Variants in SCUBE3 observed in about 807,000 individuals in gnomAD.
The protein encoded by SCUBE3 is signal peptide, CUB and EGF-like domain-containing protein 3.
SCUBE3 carries 33 observed loss-of-function variants against 116.8 expected under a neutral mutation model. The ratio of observed to expected loss-of-function variants is 0.28; its 90% confidence interval spans 0.21 to 0.38. The LOEUF (loss-of-function observed/expected upper bound fraction) is 0.38. SCUBE3 is among the 10% of genes least tolerant of loss of function. SCUBE3 has a pLI of 1.00. For synonymous variants in SCUBE3, 418 were observed against 496.9 expected (o/e 0.84, Z 2.11); for missense variants, 1,007 against 1,324.8 (o/e 0.76, Z 3.72).
Position 35,243,344 on chromosome 6 carries a change from C to T in SCUBE3, c.1909+108C>T. The stretch of plus-strand genomic sequence containing the variant: ...ATGCATTTCTCAAATTATGAGGCAG[C>T]CAGGATGCTCCTGCCCGCTGTCCTC... On this transcript the variant is annotated intron_variant, in intron 15 of 21. Coordinates refer to ENST00000274938, the MANE Select transcript of SCUBE3 (RefSeq NM_152753.4). This position sits in a 1 kb window ranked among gnomAD's most constrained non-coding sequence, Gnocchi z 6.6. 1 of 996,070 alleles carries T rather than the reference C, an allele frequency of 1.0e-6. No homozygotes were observed. The highest frequency in any genetic ancestry group is 1.5e-6 in the Non-Finnish European group (1 of 662,202). The allele number at this position is 996,070 out of a possible 1,614,324, so 61.7% of individuals were successfully genotyped here.
chr6:35,214,507 AGGAAG>A lies in SCUBE3; in HGVS notation c.85+6_85+10del, dbSNP rs748456825. On this transcript the variant is annotated splice_donor_5th_base_variant and intron_variant, in intron 1 of 21. Transcript: ENST00000274938. The surrounding 1 kb of genome is among the most constrained non-coding windows in gnomAD (Gnocchi z 6.3). ...CAGTACAGCAAAGCCGCGCAAGGTA[AGGAAG>A]GAGGGGCGCGCGGCCTGGGGGCTGT... 37 of 1,481,942 alleles carry A rather than the reference AGGAAG, an allele frequency of 2.5e-5. No individual in the cohort carries two copies. In the South Asian group the frequency reaches 4.3e-4, roughly 17 times the overall value. The allele number at this position is 1,481,942 out of a possible 1,614,324, so 91.8% of individuals were successfully genotyped here.
Position 35,244,918 on chromosome 6 carries a change from G to A in SCUBE3, c.2401+107G>A, listed in dbSNP as rs1459932074. Reference sequence around the variant, plus strand: ...CAGGGAGCAGGGCTGGGGGGTGGAGGAGCAGGAAAACTCCACCTTCCACCT... The same window carrying A: ...CAGGGAGCAGGGCTGGGGGGTGGAGAAGCAGGAAAACTCCACCTTCCACCT... On this transcript the variant is annotated intron_variant, in intron 18 of 21. Coordinates refer to ENST00000274938, the MANE Select transcript of SCUBE3 (RefSeq NM_152753.4). The surrounding 1 kb of genome is among the most constrained non-coding windows in gnomAD (Gnocchi z 4.3). 2 of 1,161,228 alleles carry A rather than the reference G, an allele frequency of 1.7e-6. No homozygotes were observed. The highest frequency in any genetic ancestry group is 2.5e-6 in the Non-Finnish European group (2 of 801,588). 71.9% of individuals were successfully genotyped at this position (1,161,228 alleles called of 1,614,324 possible).
Position 35,228,879 on chromosome 6 carries a change from T to C in SCUBE3, c.334+140T>C, listed in dbSNP as rs972934516. ...CAAGAGAATAAGGTCAGCCTCCCCT[T>C]TGAGACTGGCCACTTAGGATGAAAA... On this transcript the variant is annotated intron_variant, in intron 3 of 21. Transcript: ENST00000274938. This position sits in a 1 kb window ranked among gnomAD's most constrained non-coding sequence, Gnocchi z 4.9. The C allele has an allele frequency of 9.3e-6, 8 of 864,544 alleles. No individual in the cohort carries two copies. The highest frequency in any genetic ancestry group is 3.3e-5 in the African/African-American group (2 of 59,748). 53.6% of individuals were successfully genotyped at this position (864,544 alleles called of 1,614,324 possible). A position where few individuals can be genotyped will look rare whatever the true frequency, so the allele number is the denominator to read the frequency against.
In SCUBE3 at chr6:35,241,385, T is replaced by C. The variant is rs1272722255; in HGVS notation, c.1195+119T>C. 7.9e-7 allele frequency: 1 copy of C among 1,273,250 alleles called. No homozygotes were observed. Among genetic ancestry groups the C allele is most frequent in the Non-Finnish European group, 1.1e-6 (1 of 893,944 alleles). The allele number at this position is 1,273,250 out of a possible 1,614,324, so 78.9% of individuals were successfully genotyped here. On this transcript the variant is annotated intron_variant, in intron 10 of 21. Coordinates refer to ENST00000274938, the MANE Select transcript of SCUBE3 (RefSeq NM_152753.4). The surrounding 1 kb of genome is among the most constrained non-coding windows in gnomAD (Gnocchi z 4.1). ...TGTGAGGTGGAAAGGGTGGAGAATG[T>C]AGCCATTTTGAGTTAAAGACATGAA...
Position 35,241,919 on chromosome 6 carries a change from C to T in SCUBE3, c.1417+9C>T, listed in dbSNP as rs376860189. On this transcript the variant is annotated intron_variant, in intron 12 of 21. Coordinates refer to ENST00000274938, the MANE Select transcript of SCUBE3 (RefSeq NM_152753.4). The surrounding 1 kb of genome is among the most constrained non-coding windows in gnomAD (Gnocchi z 4.1). ...CTCCAACCACTGCCATGGTAAGCAC[C>T]AGCCCAGAAGCCCTGTTCCCACCCT... The T allele has an allele frequency of 1.4e-4, 215 of 1,582,094 alleles. 1 individual carries two copies. The African/African-American group carries it at 2.8e-3, about 20-fold the overall frequency.
chr6:35,242,241 C>G lies in SCUBE3; in HGVS notation c.1455C>G (p.Phe485Leu), dbSNP rs1434800877. The change falls in exon 13 of 22, where the codon TTC (phenylalanine) becomes TTG (leucine). Residue 485 changes from phenylalanine to leucine, a missense_variant. By Grantham distance (22) the Phe-to-Leu change is conservative. Coordinates refer to ENST00000274938, the MANE Select transcript of SCUBE3 (RefSeq NM_152753.4). ...TGTCCATTAAACAACGGGCCTCCTTCAAGATCAAGGATGCCAAATGCCGTT... is the reference window on the plus strand; with the variant it reads ...TGTCCATTAAACAACGGGCCTCCTTGAAGATCAAGGATGCCAAATGCCGTT... ...AVLSIKQRAS[F>L]KIKDAKCRLH... The G allele has an allele frequency of 6.2e-7, 1 of 1,613,950 alleles. No homozygotes were observed. Among genetic ancestry groups the G allele is most frequent in the Non-Finnish European group, 8.5e-7 (1 of 1,179,814 alleles).
chr6:35,242,367 C>T (rs774097659), intron 13 of SCUBE3, 47 bp downstream of exon 13: 12 of 1,282,716 alleles, frequency 9.4e-6, no homozygotes, highest in African/African-American at 1.5e-5. Flanking sequence ...GCCACTAAAT[C>T]CTCCTTACCC....
chr6:35,246,175 C>T (rs757524567), intron 20 of SCUBE3, 31 bp from the exon 21 acceptor site: 2 of 1,612,524 alleles, frequency 1.2e-6, no homozygotes, highest in South Asian at 2.2e-5. Flanking sequence ...AGCTCCCGCC[C>T]CTGAGCCCCT....
Position 35,248,672 on chromosome 6 carries a change from C to T in SCUBE3, c.2949C>T (p.Ser983=). ...AATCCTTCATCAAGCTGCTCCGCTC[C>T]AAAGTTTCCAGCTTCCTGAGGCCCT... ...LPKSFIKLLR[S]KVSSFLRPYK is the part of the protein sequence containing the mutation. The change falls in exon 22 of 22, where the codon TCC becomes TCT. Residue 983 remains serine, a synonymous_variant. Transcript: ENST00000274938. 6.2e-7 allele frequency: 1 copy of T among 1,614,074 alleles called. No individual in the cohort carries two copies. The highest frequency in any genetic ancestry group is 8.5e-7 in the Non-Finnish European group (1 of 1,179,978).
At chr6:35,217,252 GC>G (rs1416334865) in intron 1 of SCUBE3, among the ~76,000 whole-genome samples, 1 of 11,646 alleles carries the variant, frequency 8.6e-5, no homozygotes, top group Admixed American at 7.5e-4. Context: ...GGGAGGCGCG[GC>G]GGGGGGGGGG....
chr6:35,231,589 GGT>G lies in SCUBE3; in HGVS notation c.335-132_335-131del. The G allele has an allele frequency of 1.6e-6, 1 of 628,694 alleles. No individual in the cohort carries two copies. The highest frequency in any genetic ancestry group is 2.5e-6 in the Non-Finnish European group (1 of 398,290). 38.9% of individuals were successfully genotyped at this position (628,694 alleles called of 1,614,324 possible). ...ACTTAGTGAAATATTAGCTGACAAG[GGT>G]GTGAGGACTTCCTGGCTTAAGGCTG... On this transcript the variant is annotated intron_variant, in intron 3 of 21. Coordinates refer to ENST00000274938, the MANE Select transcript of SCUBE3 (RefSeq NM_152753.4). The surrounding 1 kb of genome is among the most constrained non-coding windows in gnomAD (Gnocchi z 4.2).
At position 35,244,115 on chromosome 6, in the gene SCUBE3, G is replaced by C; in HGVS notation, c.2224G>C (p.Asp742His). ...TKHEGAISFQ[D>H]CDTKVQCSPG... ...GCATGAAGGGGCCATTTCCTTCCAA[G>C]ACTGTGACACCAAAGGTGAGTAAGC... The change falls in exon 17 of 22, where the codon GAC becomes CAC. Residue 742 changes from aspartate to histidine, a missense_variant. By Grantham distance (81) the Asp-to-His change is moderately conservative (BLOSUM62 -1). Coordinates refer to ENST00000274938, the MANE Select transcript of SCUBE3 (RefSeq NM_152753.4). The surrounding 1 kb of genome is among the most constrained non-coding windows in gnomAD (Gnocchi z 4.3). 1.9e-6 allele frequency: 3 copies of C among 1,613,738 alleles called. No individual in the cohort carries two copies. The highest frequency in any genetic ancestry group is 1.1e-5 in the South Asian group (1 of 91,008).
intron 3 of SCUBE3, among the ~76,000 whole-genome samples, chr6:35,229,611 C>T (rs1170324612): frequency 2.0e-5 from 3 of 152,170 alleles, no homozygotes; most frequent in Non-Finnish European, 4.4e-5. Flanking sequence ...TCTCCCAGTT[C>T]TTCCTGCAAT....
rs1422891999 is a variant in SCUBE3, at chr6:35,243,655, G to A, written c.1971G>A (p.Ala657=). ...CGGAGCAGTGTGTGCCATGCCCAGC[G>A]GGCACCTTCCAGGAGAGAGAAGGGC... The part of the protein sequence containing the change: ...GQTEQCVPCP[A]GTFQEREGQL... Residue 657 remains alanine, a synonymous_variant, in exon 16 of 22, where the codon GCG becomes GCA. Transcript: ENST00000274938. The surrounding 1 kb of genome is among the most constrained non-coding windows in gnomAD (Gnocchi z 6.6). The A allele has an allele frequency of 1.3e-5, 21 of 1,613,794 alleles. No individual in the cohort carries two copies. In the East Asian group the frequency reaches 1.3e-4, roughly 10 times the overall value.
Position 35,241,990 on chromosome 6 carries a change from G to A in SCUBE3, c.1417+80G>A. 9.3e-7 allele frequency: 1 copy of A among 1,074,422 alleles called. No homozygotes were observed. Among genetic ancestry groups the A allele is most frequent in the Non-Finnish European group, 1.4e-6 (1 of 698,358 alleles). The allele number at this position is 1,074,422 out of a possible 1,614,324, so 66.6% of individuals were successfully genotyped here. A position where few individuals can be genotyped will look rare whatever the true frequency, so the allele number is the denominator to read the frequency against. On this transcript the variant is annotated intron_variant, in intron 12 of 21. Transcript: ENST00000274938. This position sits in a 1 kb window ranked among gnomAD's most constrained non-coding sequence, Gnocchi z 4.1. ...TATTTTTGTTCTTCATCAATCCCCT[G>A]GCCTTCCTTTCTCCTGGATCCTCTT...
intron 1 of SCUBE3, among the ~76,000 whole-genome samples, chr6:35,226,479 C>CTTTTTTTTTTT (rs1562044702): frequency 1.3e-3 from 66 of 52,158 alleles, no homozygotes; most frequent in South Asian, 6.5e-3. Context: ...TTTTCTATGT[C>CTTTTTTTTTTT]CTTTTTTTTT....
In SCUBE3 at chr6:35,231,252, C is replaced by G. The variant is rs1783538638; in HGVS notation, c.335-473C>G. 1.3e-5 allele frequency among the ~76,000 whole-genome samples: 2 copies of G among 152,142 alleles called. No homozygotes were observed. Among genetic ancestry groups the G allele is most frequent in the African/African-American group, 4.8e-5 (2 of 41,420 alleles). On this transcript the variant is annotated intron_variant, in intron 3 of 21. Transcript: ENST00000274938. The surrounding 1 kb of genome is among the most constrained non-coding windows in gnomAD (Gnocchi z 4.2). The stretch of plus-strand genomic sequence containing the variant: ...CCTTTCCCCACCCTGCCCCTCCAAC[C>G]TCAGCACCATGGCCATAGCTCTGCC...
Position 35,242,311 on chromosome 6 carries a change from A to C in SCUBE3, c.1525A>C (p.Thr509Pro), listed in dbSNP as rs1222633433. Reference protein sequence around the residue: ...KGKTEEAGRITGPGGAPCSEC... With the variant: ...KGKTEEAGRIPGPGGAPCSEC... Reference sequence around the variant, plus strand: ...CAAAACAGAGGAGGCTGGCAGAATCACAGGGCCAGGTTTGGACTGGGGACC... The same window carrying C: ...CAAAACAGAGGAGGCTGGCAGAATCCCAGGGCCAGGTTTGGACTGGGGACC... Residue 509 changes from threonine (T) to proline (P), a missense_variant, in exon 13 of 22, where the codon ACA (threonine) becomes CCA (proline). Coordinates refer to ENST00000274938, the MANE Select transcript of SCUBE3 (RefSeq NM_152753.4). The C allele has an allele frequency of 2.5e-6, 4 of 1,611,362 alleles. No individual in the cohort carries two copies. Among genetic ancestry groups the C allele is most frequent in the Non-Finnish European group, 3.4e-6 (4 of 1,177,522 alleles).
chr6:35,248,660 G>A lies in SCUBE3; in HGVS notation c.2937G>A (p.Lys979=). The A allele has an allele frequency of 6.2e-7, 1 of 1,614,002 alleles. No homozygotes were observed. Among genetic ancestry groups the A allele is most frequent in the Non-Finnish European group, 8.5e-7 (1 of 1,179,990 alleles). The change falls in exon 22 of 22, where the codon AAG becomes AAA. Residue 979 remains lysine (K), a synonymous_variant. Coordinates refer to ENST00000274938, the MANE Select transcript of SCUBE3 (RefSeq NM_152753.4). ...AGATGCTGCCAAAATCCTTCATCAA[G>A]CTGCTCCGCTCCAAAGTTTCCAGCT... ...HKEMLPKSFI[K]LLRSKVSSFL...
Sources: gnomAD v4.1 joint callset for allele counts (sites outside exome capture counted in the v4.1 genomes callset) on GRCh38, gnomAD v4.1.1 for gene constraint, Gnocchi (gnomAD v3.1) non-coding constraint, MANE v1.5 for transcripts, NCBI Gene and HGNC (gene_info 2026-07-23, HGNC 2026-07-21) for gene names.